The following RBMS3 variants were observed in gnomAD, a reference collection of about 807,000 sequenced individuals.
RBMS3 encodes the protein RNA binding motif single stranded interacting protein 3.
Under a neutral mutation model 66.8 loss-of-function variants are expected in RBMS3, and 27 were observed. The ratio of observed to expected loss-of-function variants is 0.40; its 90% confidence interval spans 0.30 to 0.56. RBMS3 has a LOEUF of 0.56. RBMS3 is among the 20% of genes least tolerant of loss of function. RBMS3 has a pLI of 0.40. For missense variants in RBMS3, 513 were observed against 549.5 expected (o/e 0.93, Z 0.66); for synonymous variants, 188 against 183.0 (o/e 1.03, Z -0.22).
At chr3:29,398,414 A>G (rs962443643) in intron 1 of RBMS3, among the ~76,000 whole-genome samples, 12 of 152,178 alleles carry the variant, frequency 7.9e-5, no homozygotes, top group African/African-American at 2.9e-4. Context: ...TCTGGTCATC[A>G]GGAAGGTCTC....
intron 6 of RBMS3, among the ~76,000 whole-genome samples, chr3:29,826,180 G>T (rs2058207328): frequency 6.6e-6 from 1 of 152,038 alleles, no homozygotes; most frequent in Non-Finnish European, 1.5e-5. Flanking sequence ...TATTACTATA[G>T]ATATTTTAAT....
intron 6 of RBMS3, among the ~76,000 whole-genome samples, chr3:29,833,643 G>T (rs1008410189): frequency 6.6e-6 from 1 of 151,628 alleles, no homozygotes; most frequent in African/African-American, 2.4e-5. Flanking sequence ...AGATAAAAAA[G>T]AAAAAAACAG....
chr3:29,475,512 A>G (rs576261640), intron 2 of RBMS3, among the ~76,000 whole-genome samples: 1 of 152,248 alleles, frequency 6.6e-6, no homozygotes, highest in East Asian at 1.9e-4. Flanking sequence ...AGCCTCCCAA[A>G]GTGCTGGGAT....
In RBMS3 at chr3:29,782,184, C is replaced by T. The variant is rs9872410; in HGVS notation, c.637+19195C>T. 3.8e-3 allele frequency among the ~76,000 whole-genome samples: 578 copies of T among 152,180 alleles called. 2 individuals carry two copies. Among genetic ancestry groups the T allele is most frequent in the African/African-American group, 0.013 (532 of 41,516 alleles). The stretch of plus-strand genomic sequence containing the variant: ...TATCCTTATAGGACCATAGCTGACG[C>T]GCTCTTGAAAGCTCCACCTCCTACC... On this transcript the variant is annotated intron_variant, in intron 6 of 14. Transcript: ENST00000383767.
At chr3:29,914,529 C>T (rs1012484565) in intron 10 of RBMS3, among the ~76,000 whole-genome samples, 3 of 151,666 alleles carry the variant, frequency 2.0e-5, no homozygotes, top group Admixed American at 1.3e-4. Context: ...GCTGAGGTTA[C>T]CTTAAATTTA....
intron 3 of RBMS3, among the ~76,000 whole-genome samples, chr3:29,524,896 T>A (rs985654008): frequency 8.6e-5 from 13 of 151,862 alleles, no homozygotes; most frequent in African/African-American, 2.4e-4. Context: ...CTAAAAAAAA[T>A]TTTTTTTAAT....
intron 3 of RBMS3, among the ~76,000 whole-genome samples, chr3:29,546,586 G>A (rs756550314): frequency 1.3e-5 from 2 of 152,106 alleles, no homozygotes; most frequent in Admixed American, 6.6e-5. Flanking sequence ...TTACAGTTCT[G>A]GAAGAAAAAA....
intron 4 of RBMS3, among the ~76,000 whole-genome samples, chr3:29,719,536 A>C (rs2053549868): frequency 6.6e-6 from 1 of 152,164 alleles, no homozygotes; most frequent in African/African-American, 2.4e-5. Context: ...ATATTTATAG[A>C]TCATCACTAC....
chr3:29,551,934 C>T (rs1239874914), intron 3 of RBMS3, among the ~76,000 whole-genome samples: 1 of 152,096 alleles, frequency 6.6e-6, no homozygotes, highest in East Asian at 1.9e-4. Context: ...ACCTGCTGAA[C>T]CTAATGTTAG....
intron 11 of RBMS3, among the ~76,000 whole-genome samples, chr3:29,940,665 C>T (rs2061370942): frequency 6.6e-6 from 1 of 151,636 alleles, no homozygotes; most frequent in Non-Finnish European, 1.5e-5. Flanking sequence ...GAAATGAATG[C>T]CATGTAGTTT....
intron 3 of RBMS3, among the ~76,000 whole-genome samples, chr3:29,543,625 G>A (rs891357707): frequency 1.3e-5 from 2 of 152,156 alleles, no homozygotes; most frequent in Admixed American, 1.3e-4. Context: ...CAGGAGAATT[G>A]CTTGAACCCA....
chr3:29,316,375 G>C (rs1243998515), intron 1 of RBMS3, among the ~76,000 whole-genome samples: 1 of 151,662 alleles, frequency 6.6e-6, no homozygotes, highest in Non-Finnish European at 1.5e-5. Flanking sequence ...ATAATTGAAA[G>C]TTCAGCTTAA....
intron 3 of RBMS3, among the ~76,000 whole-genome samples, chr3:29,520,631 C>T (rs978392305): frequency 2.2e-4 from 33 of 151,946 alleles, no homozygotes; most frequent in African/African-American, 6.3e-4. Context: ...TTAATAAACA[C>T]GTAGGGAGGG....
chr3:29,686,152 G>A (rs1336018251), intron 4 of RBMS3, among the ~76,000 whole-genome samples: 2 of 152,066 alleles, frequency 1.3e-5, no homozygotes, highest in Non-Finnish European at 2.9e-5. Context: ...TCTGGCCAAC[G>A]TAGGCTAACA....
intron 10 of RBMS3, among the ~76,000 whole-genome samples, chr3:29,920,589 T>C (rs2060745978): frequency 6.6e-6 from 1 of 150,906 alleles, no homozygotes; most frequent in African/African-American, 2.5e-5. Flanking sequence ...CATATTTGGA[T>C]ATATCCTTGG....
chr3:29,758,868 G>A (rs111231276), intron 5 of RBMS3, among the ~76,000 whole-genome samples: 1 of 152,148 alleles, frequency 6.6e-6, no homozygotes, highest in Non-Finnish European at 1.5e-5. Context: ...GGCTTACAAC[G>A]TTAGATACTC....
intron 1 of RBMS3, among the ~76,000 whole-genome samples, chr3:29,395,056 T>G (rs1306116173): frequency 6.6e-6 from 1 of 152,180 alleles, no homozygotes; most frequent in Non-Finnish European, 1.5e-5. Flanking sequence ...ATTACTCTGT[T>G]TAGTTTTATG....
At chr3:29,564,884 GA>G (rs140765811) in intron 3 of RBMS3, among the ~76,000 whole-genome samples, 19 of 147,862 alleles carry the variant, frequency 1.3e-4, no homozygotes, top group Admixed American at 4.0e-4. Context: ...TCAATTCCAA[GA>G]AAAAAAAAAG....
chr3:29,889,209 C>T (rs1013068743), intron 8 of RBMS3, among the ~76,000 whole-genome samples: 40 of 151,624 alleles, frequency 2.6e-4, no homozygotes, highest in African/African-American at 9.2e-4. Flanking sequence ...ATTCTGTCTG[C>T]CTGAGTTCCC....
Sources: allele counts gnomAD v4.1 joint callset (sites outside exome capture counted in the v4.1 genomes callset), GRCh38; gene constraint gnomAD v4.1.1; transcripts MANE v1.5; gene names NCBI Gene and HGNC (gene_info 2026-07-23, HGNC 2026-07-21).